ARFIP1: variants seen among roughly 807,000 people sequenced by gnomAD.
The protein encoded by ARFIP1 is ARF interacting protein 1.
Under a neutral mutation model 42.5 loss-of-function variants are expected in ARFIP1, and 24 were observed. The ratio of observed to expected loss-of-function variants is 0.57; its 90% CI spans 0.41 to 0.80. The LOEUF is 0.80. Among genes scored for constraint, ARFIP1 ranks in the 30% least tolerant of loss-of-function variants. The pLI, the probability that ARFIP1 is intolerant of heterozygous loss-of-function variation, is 0.00. For missense variants in ARFIP1, 354 were observed against 434.0 expected, an observed-to-expected ratio of 0.82 and a Z score of 1.64; for synonymous variants, 141 against 153.7, an observed-to-expected ratio of 0.92 and a Z score of 0.61.
intron 1 of ARFIP1, among the ~76,000 whole-genome samples, chr4:152,798,609 T>C (rs893218285): frequency 1.3e-5 from 2 of 152,252 alleles, no homozygotes; most frequent in Non-Finnish European, 2.9e-5. Context: ...TATTATTTTC[T>C]TAATGTATTA....
chr4:152,898,759 T>C (rs1029118911), intron 8 of ARFIP1, among the ~76,000 whole-genome samples: 2 of 152,202 alleles, frequency 1.3e-5, no homozygotes, highest in African/African-American at 2.4e-5. Context: ...ATGGGTAACA[T>C]GTGCATAGGC....
In ARFIP1 at chr4:152,865,139, T is replaced by A. The variant is rs541454332; in HGVS notation, c.202+1425T>A. 4.7e-5 allele frequency among the ~76,000 whole-genome samples: 7 copies of A among 150,374 alleles called. No individual in the cohort carries two copies. In the South Asian group the frequency reaches 1.3e-3, roughly 28 times the overall value. On this transcript the variant is annotated intron_variant, in intron 3 of 8. Transcript: ENST00000353617. ...AGCCCTCATGCAGATATTAGTATTC[T>A]GTATTTTTTTTTTTTAAAGATGTAG... is the stretch of plus-strand genomic sequence containing the variant.
intron 8 of ARFIP1, among the ~76,000 whole-genome samples, chr4:152,908,891 A>AGTT (rs1491251737): frequency 1.8e-4 from 24 of 132,464 alleles, no homozygotes; most frequent in Non-Finnish European, 3.5e-4. Flanking sequence ...GCTAGAGAGA[A>AGTT]GTGTGTGTGT....
chr4:152,867,198 T>C (rs1734472481), intron 3 of ARFIP1, among the ~76,000 whole-genome samples: 1 of 152,166 alleles, frequency 6.6e-6, no homozygotes, highest in African/African-American at 2.4e-5. Flanking sequence ...CACTCCAGCC[T>C]GGGCACTATT....
At chr4:152,808,619 A>G (rs1729200309) in intron 1 of ARFIP1, among the ~76,000 whole-genome samples, 1 of 151,982 alleles carries the variant, frequency 6.6e-6, no homozygotes, top group Admixed American at 6.6e-5. Flanking sequence ...ATAAGAGTCT[A>G]GTTGCTCTAC....
In ARFIP1 at chr4:152,863,637, G is replaced by A; in HGVS notation, c.125G>A (p.Gly42Asp). ...DLKHSLPSGLGLSETQITSHG... is the reference protein window; with the variant it reads ...DLKHSLPSGLDLSETQITSHG... ...AAGCATTCATTACCATCTGGACTTG[G>A]TCTCTCAGAAACCCAAATTACATCT... The change falls in exon 3 of 9, where the codon GGT (glycine) becomes GAT (aspartate). Residue 42 changes from glycine (G) to aspartate (D), a missense_variant. Gly to Asp is a moderately conservative substitution (Grantham distance 94). Transcript: ENST00000353617. The A allele has an allele frequency of 6.2e-7, 1 of 1,608,202 alleles. No individual in the cohort carries two copies. The highest frequency in any genetic ancestry group is 1.1e-5 in the South Asian group (1 of 90,878).
At chr4:152,854,017 A>G (rs1372483824) in intron 2 of ARFIP1, among the ~76,000 whole-genome samples, 7 of 150,134 alleles carry the variant, frequency 4.7e-5, no homozygotes, top group South Asian at 2.1e-4. Context: ...AGTTCAAGCA[A>G]TTCTCCTGCC....
intron 1 of ARFIP1, among the ~76,000 whole-genome samples, chr4:152,829,241 T>C (rs1731080787): frequency 6.6e-6 from 1 of 152,218 alleles, no homozygotes; most frequent in African/African-American, 2.4e-5. Flanking sequence ...CTCTGCCCTG[T>C]GCTCTCATTT....
chr4:152,828,737 C>G (rs777119637), intron 1 of ARFIP1, among the ~76,000 whole-genome samples: 1 of 152,132 alleles, frequency 6.6e-6, no homozygotes, highest in Non-Finnish European at 1.5e-5. Context: ...GAAGTACAGC[C>G]TATCAGTTTT....
At chr4:152,822,986 C>G (rs935492044) in intron 1 of ARFIP1, among the ~76,000 whole-genome samples, 4 of 151,888 alleles carry the variant, frequency 2.6e-5, no homozygotes, top group Admixed American at 2.0e-4. Context: ...CATCACACCT[C>G]AAGGAACTAG....
At chr4:152,858,289 C>T (rs978305041) in intron 2 of ARFIP1, among the ~76,000 whole-genome samples, 1 of 152,064 alleles carries the variant, frequency 6.6e-6, no homozygotes, top group African/African-American at 2.4e-5. Context: ...CAGACCTTAT[C>T]TCAAAAAAGT....
chr4:152,829,412 A>T (rs1043633482), intron 1 of ARFIP1, among the ~76,000 whole-genome samples: 1 of 152,204 alleles, frequency 6.6e-6, no homozygotes, highest in Admixed American at 6.5e-5. Context: ...ACAAATATGT[A>T]ACTCATTTTT....
intron 2 of ARFIP1, among the ~76,000 whole-genome samples, chr4:152,852,783 C>A (rs1479738181): frequency 1.3e-5 from 2 of 152,196 alleles, no homozygotes; most frequent in African/African-American, 4.8e-5. Flanking sequence ...GTCATAAATT[C>A]GTCTCACATA....
chr4:152,900,497 C>G (rs1561182630), intron 8 of ARFIP1, among the ~76,000 whole-genome samples: 1 of 152,060 alleles, frequency 6.6e-6, no homozygotes, highest in Non-Finnish European at 1.5e-5. Flanking sequence ...TTTTTCTACC[C>G]CACTTGTAGT....
intron 2 of ARFIP1, among the ~76,000 whole-genome samples, chr4:152,845,782 A>C (rs561852862): frequency 1.2e-4 from 18 of 152,370 alleles, no homozygotes; most frequent in African/African-American, 4.1e-4. Flanking sequence ...TGTGGAAAGC[A>C]GTTTGGAGAT....
At chr4:152,802,533 A>G (rs1728506962) in intron 1 of ARFIP1, among the ~76,000 whole-genome samples, 1 of 152,190 alleles carries the variant, frequency 6.6e-6, no homozygotes, top group African/African-American at 2.4e-5. Flanking sequence ...AAAAAATAGT[A>G]GATTTAAGAA....
intron 1 of ARFIP1, among the ~76,000 whole-genome samples, chr4:152,784,613 C>G (rs111989864): frequency 4.6e-5 from 7 of 152,164 alleles, no homozygotes; most frequent in African/African-American, 1.4e-4. Context: ...GTATGACTGT[C>G]GGTTCAGATT....
chr4:152,810,360 T>C (rs1234380863), intron 1 of ARFIP1: 1 of 152,190 alleles, frequency 6.6e-6, no homozygotes, highest in African/African-American at 2.4e-5. Context: ...TAAATACATA[T>C]ATTAAAAATA....
rs752482904 is a variant in ARFIP1 at position 152,911,420 on chromosome 4, G to A, written c.*1201G>A. On this transcript the variant is annotated 3_prime_UTR_variant, in exon 9 of 9. Transcript: ENST00000353617. ...ACAGTGTGGTGGTACCAGGAAGAAA[G>A]AGGATTGGAAAGGCCAGTACTGTTT... The A allele has an allele frequency of 1.3e-5, 2 of 152,344 alleles. No homozygotes were observed. The highest frequency in any genetic ancestry group is 2.4e-5 in the African/African-American group (1 of 41,456). 9.4% of individuals were successfully genotyped at this position (152,344 alleles called of 1,614,324 possible). A position where few individuals can be genotyped will look rare whatever the true frequency, so the allele number is the denominator to read the frequency against.
Sources: allele counts gnomAD v4.1 joint callset (sites outside exome capture counted in the v4.1 genomes callset), GRCh38; gene constraint gnomAD v4.1.1; transcripts MANE v1.5; gene names NCBI Gene and HGNC (gene_info 2026-07-23, HGNC 2026-07-21).